The following DKK4 variants were observed in gnomAD, a reference collection of about 807,000 sequenced individuals.
DKK4 encodes the protein dickkopf-related protein 4.
Under a neutral mutation model 14.5 loss-of-function variants are expected in DKK4, and 15 were observed. That is an observed-to-expected ratio of 1.03 (90% CI 0.69 to 1.59). The LOEUF is 1.59. DKK4 is among the 40% of genes most tolerant of loss of function. The pLI, the probability that DKK4 is intolerant of heterozygous loss-of-function variation, is 0.00. For missense variants in DKK4, 272 were observed against 280.3 expected (o/e 0.97, Z 0.21); for synonymous variants, 89 against 105.2 (o/e 0.85, Z 0.94).
In DKK4 at chr8:42,377,085, C is replaced by A. The variant is rs371145598; in HGVS notation, c.-40G>T. On this transcript the variant is annotated 5_prime_UTR_variant, in exon 1 of 4. Coordinates refer to ENST00000220812, the MANE Select transcript of DKK4 (RefSeq NM_014420.3). ...GCTCCTGGAGGGTCCCAGCACTGTG[C>A]GTCACCAAAGCGAGGCTGCTCTCCA... 1 of 1,561,682 alleles carries A rather than the reference C, an allele frequency of 6.4e-7. No individual in the cohort carries two copies. The highest frequency in any genetic ancestry group is 1.7e-5 in the Admixed American group (1 of 58,646).
the DKK4 span, among the ~76,000 whole-genome samples, chr8:42,387,235 A>G: frequency 6.6e-6 from 1 of 152,090 alleles, no homozygotes; most frequent in Non-Finnish European, 1.5e-5. Flanking sequence ...TTGGACTGAG[A>G]AAGCCCTTTC....
chr8:42,374,934 A>G, intron 2 of DKK4, 21 bp from the exon 3 acceptor site: 1 of 1,613,704 alleles, frequency 6.2e-7, no homozygotes, highest in African/African-American at 1.3e-5. Context: ...ACCAGGTGTA[A>G]CTAGAATTAT....
chr8:42,386,811 G>A, the DKK4 span, among the ~76,000 whole-genome samples: 4 of 152,122 alleles, frequency 2.6e-5, no homozygotes, highest in Non-Finnish European at 4.4e-5. Flanking sequence ...TTAAAGAAAC[G>A]GAATTGAACT....
At chr8:42,384,828 A>G in the DKK4 span, among the ~76,000 whole-genome samples, 1 of 152,224 alleles carries the variant, frequency 6.6e-6, no homozygotes, top group African/African-American at 2.4e-5. Context: ...CATGTCACTA[A>G]CTGACGTCTA....
At chr8:42,375,336 T>G (rs1316092093) in intron 2 of DKK4, among the ~76,000 whole-genome samples, 1 of 151,964 alleles carries the variant, frequency 6.6e-6, no homozygotes, top group Non-Finnish European at 1.5e-5. Flanking sequence ...AGGTCAGAAG[T>G]TCGAGACTAG....
the DKK4 span, among the ~76,000 whole-genome samples, chr8:42,384,316 T>C: frequency 6.6e-6 from 1 of 152,178 alleles, no homozygotes; most frequent in Non-Finnish European, 1.5e-5. Context: ...CTAATTTTTG[T>C]ATTTTTTGTG....
the DKK4 span, among the ~76,000 whole-genome samples, chr8:42,389,975 T>G: frequency 2.9e-5 from 4 of 139,272 alleles, no homozygotes; most frequent in African/African-American, 1.0e-4. Context: ...CACTGCAACG[T>G]CCACCTCCGG....
the DKK4 span, among the ~76,000 whole-genome samples, chr8:42,383,841 G>A: frequency 6.6e-6 from 1 of 152,136 alleles, no homozygotes; most frequent in Non-Finnish European, 1.5e-5. Context: ...TACTCAGGAG[G>A]GTGAGGCAGA....
chr8:42,381,585 G>C (rs1824680605), upstream of DKK4, among the ~76,000 whole-genome samples: 1 of 152,168 alleles, frequency 6.6e-6, no homozygotes. Context: ...GGCCGGGCCT[G>C]ACTCTATTAC....
upstream of DKK4, among the ~76,000 whole-genome samples, chr8:42,379,658 A>G (rs1030665328): frequency 1.3e-5 from 2 of 152,042 alleles, no homozygotes; most frequent in Admixed American, 6.6e-5. Flanking sequence ...AGATGAGGTA[A>G]TATTTGAGCT....
At position 42,374,245 on chromosome 8, in the gene DKK4, G is replaced by A. The variant is rs1180339115; in HGVS notation, c.530C>T (p.Ser177Phe). 1 of 1,612,208 alleles carries A rather than the reference G, an allele frequency of 6.2e-7. No individual in the cohort carries two copies. The highest frequency in any genetic ancestry group is 2.2e-5 in the East Asian group (1 of 44,800). Reference protein sequence around the residue: ...KPVLLEGQVCSRRGHKDTAQA... With the variant: ...KPVLLEGQVCFRRGHKDTAQA... ...AGCAGTGTCTTTATGCCCTCTTCTG[G>A]AGCAGACCTGTCCCTCCAAAAGGAC... The change falls in exon 4 of 4, where the codon TCC becomes TTC. Residue 177 changes from serine (S) to phenylalanine (F), a missense_variant. Ser to Phe is a radical substitution (Grantham distance 155). Transcript: ENST00000220812.
At chr8:42,384,646 C>T in the DKK4 span, among the ~76,000 whole-genome samples, 1 of 152,170 alleles carries the variant, frequency 6.6e-6, no homozygotes, top group Non-Finnish European at 1.5e-5. Context: ...TCTTGGGGGG[C>T]CTTACCCAGC....
chr8:42,383,948 AG>A, the DKK4 span, among the ~76,000 whole-genome samples: 4 of 152,192 alleles, frequency 2.6e-5, no homozygotes, highest in African/African-American at 9.7e-5. Context: ...GTCTCAAAAA[AG>A]AAAAAACAAT....
At chr8:42,375,924 G>T (rs1446354420) in intron 1 of DKK4, 94 bp from the exon 2 acceptor site, 23 of 1,480,608 alleles carry the variant, frequency 1.6e-5, no homozygotes, top group Non-Finnish European at 1.9e-5. Context: ...GGAGCCAAAG[G>T]ACAGTGGCGC....
upstream of DKK4, among the ~76,000 whole-genome samples, chr8:42,378,792 T>A (rs910477379): frequency 1.3e-5 from 2 of 151,534 alleles, no homozygotes; most frequent in African/African-American, 4.9e-5. Flanking sequence ...GAGCCTCGGA[T>A]TACATGTTAG....
Position 42,374,896 on chromosome 8 carries a change from C to G in DKK4, c.280G>C (p.Glu94Gln). 1 of 1,614,174 alleles carries G rather than the reference C, an allele frequency of 6.2e-7. No individual in the cohort carries two copies. The highest frequency in any genetic ancestry group is 8.5e-7 in the Non-Finnish European group (1 of 1,180,036). The part of the protein sequence containing the change: ...LCVNDVCTTM[E>Q]DATPILERQL... ...CTTTCTAATATTGGGGTTGCATCTT[C>G]CATCGTAGTACAAACATCTGAGGGA... The change falls in exon 3 of 4, where the codon GAA (glutamate) becomes CAA (glutamine). Residue 94 changes from glutamate (E) to glutamine (Q), a missense_variant. By Grantham distance (29) the Glu-to-Gln change is conservative (BLOSUM62 2). Coordinates refer to ENST00000220812, the MANE Select transcript of DKK4 (RefSeq NM_014420.3).
At chr8:42,375,175 C>T (rs926913115) in intron 2 of DKK4, among the ~76,000 whole-genome samples, 3 of 152,202 alleles carry the variant, frequency 2.0e-5, no homozygotes, top group Admixed American at 1.3e-4. Flanking sequence ...CAACTTGAGT[C>T]TTTCCTTTAA....
chr8:42,379,111 C>T (rs976024901), upstream of DKK4, among the ~76,000 whole-genome samples: 8 of 150,300 alleles, frequency 5.3e-5, 1 homozygote, highest in Admixed American at 4.0e-4. Flanking sequence ...ACTAGTCGGG[C>T]GTGGTGGTGG....
Position 42,374,288 on chromosome 8 carries a change from T to C in DKK4, c.487A>G (p.Thr163Ala). 6.2e-7 allele frequency: 1 copy of C among 1,612,096 alleles called. No homozygotes were observed. Among genetic ancestry groups the C allele is most frequent in the Non-Finnish European group, 8.5e-7 (1 of 1,178,942 alleles). ...AAAAGGACTGGCTTACAAATTTTCG[T>C]CCAAAAATGACGAGCACAGCAAAGT... Reference protein sequence around the residue: ...PGLCCARHFWTKICKPVLLEG... With the variant: ...PGLCCARHFWAKICKPVLLEG... The change falls in exon 4 of 4, where the codon ACG becomes GCG. Residue 163 changes from threonine to alanine, a missense_variant. Transcript: ENST00000220812.
Sources: allele counts gnomAD v4.1 joint callset (sites outside exome capture counted in the v4.1 genomes callset), GRCh38; gene constraint gnomAD v4.1.1; transcripts MANE v1.5; gene names NCBI Gene and HGNC (gene_info 2026-07-23, HGNC 2026-07-21).